The following CFAP107 variants were observed in gnomAD, a reference collection of about 807,000 sequenced individuals.
CFAP107 encodes the protein cilia and flagella associated protein 107.
chr1:12,760,517 C>T, the CFAP107 span, among the ~76,000 whole-genome samples: 1 of 152,192 alleles, frequency 6.6e-6, no homozygotes, highest in African/African-American at 2.4e-5. Flanking sequence ...CTGACTTTTC[C>T]AAGGCCCCCG....
the CFAP107 span, chr1:12,761,177 G>T: frequency 2.5e-5 from 13 of 513,812 alleles, no homozygotes; most frequent in Non-Finnish European, 4.1e-5. Context: ...CTATTGCAGG[G>T]CTATGTACGT....
the CFAP107 span, chr1:12,762,297 A>G: frequency 6.8e-4 from 101 of 148,280 alleles, 1 homozygote; most frequent in African/African-American, 1.6e-3. Flanking sequence ...TGGATGAGTG[A>G]ATGACAGGAG....
chr1:12,760,468 C>T, the CFAP107 span, among the ~76,000 whole-genome samples: 1 of 152,194 alleles, frequency 6.6e-6, no homozygotes, highest in Non-Finnish European at 1.5e-5. Flanking sequence ...GGGACAATTA[C>T]TCAGGACCAG....
At chr1:12,747,568 G>A in the CFAP107 span, among the ~76,000 whole-genome samples, 4 of 152,194 alleles carry the variant, frequency 2.6e-5, no homozygotes, top group African/African-American at 9.7e-5. Context: ...TTCTTGGGAA[G>A]TGGGCAAGGA....
At chr1:12,752,578 A>G in the CFAP107 span, among the ~76,000 whole-genome samples, 3 of 149,448 alleles carry the variant, frequency 2.0e-5, no homozygotes, top group African/African-American at 7.3e-5. Flanking sequence ...AAAAAAAAAA[A>G]AAAATTAATA....
At chr1:12,761,059 C>G in the CFAP107 span, 1 of 1,134,054 alleles carries the variant, frequency 8.8e-7, no homozygotes, top group Non-Finnish European at 1.2e-6. Context: ...CGAGATCTGG[C>G]CCGTCAAAGG....
At chr1:12,751,393 G>A in the CFAP107 span, among the ~76,000 whole-genome samples, 5 of 152,120 alleles carry the variant, frequency 3.3e-5, no homozygotes, top group African/African-American at 1.2e-4. Flanking sequence ...TTGGGAGGCC[G>A]AGGTGGGTGG....
the CFAP107 span, among the ~76,000 whole-genome samples, chr1:12,752,576 AAAAAAATTAAT>A: frequency 1.3e-5 from 2 of 149,444 alleles, no homozygotes; most frequent in Non-Finnish European, 3.0e-5. Flanking sequence ...AAAAAAAAAA[AAAAAAATTAAT>A]ATATAAAAAT....
At chr1:12,750,509 A>G in the CFAP107 span, among the ~76,000 whole-genome samples, 2 of 152,228 alleles carry the variant, frequency 1.3e-5, no homozygotes, top group Admixed American at 1.3e-4. Flanking sequence ...TGAAGTACAC[A>G]TGTAAGTTGA....
the CFAP107 span, among the ~76,000 whole-genome samples, chr1:12,747,637 G>A: frequency 1.3e-5 from 2 of 152,118 alleles, no homozygotes; most frequent in Non-Finnish European, 2.9e-5. Flanking sequence ...AAGGTTAAAG[G>A]CTGTTTTCCT....
the CFAP107 span, among the ~76,000 whole-genome samples, chr1:12,747,786 C>G: frequency 6.6e-6 from 1 of 152,120 alleles, no homozygotes; most frequent in Non-Finnish European, 1.5e-5. Flanking sequence ...TTGAAAATAC[C>G]TTCAGGTGCC....
At chr1:12,747,154 A>C in the CFAP107 span, among the ~76,000 whole-genome samples, 1 of 148,944 alleles carries the variant, frequency 6.7e-6, no homozygotes, top group Non-Finnish European at 1.5e-5. Context: ...TGCAACCTTC[A>C]CCTCCCAGGC....
chr1:12,763,488 G>A, the CFAP107 span: 3,134 of 152,252 alleles, frequency 0.021, 45 homozygotes, highest in East Asian at 0.066. Context: ...AGGTTGGGAG[G>A]GAAGAGAGGG....
At chr1:12,757,306 G>A in the CFAP107 span, among the ~76,000 whole-genome samples, 1 of 151,956 alleles carries the variant, frequency 6.6e-6, no homozygotes, top group Non-Finnish European at 1.5e-5. Context: ...CAGAACAGAC[G>A]ATGGAATATT....
chr1:12,755,580 C>T, the CFAP107 span: 2 of 727,050 alleles, frequency 2.8e-6, no homozygotes, highest in Non-Finnish European at 5.0e-6. Context: ...GCAGGGTGTC[C>T]AGGGGTTTAT....
At chr1:12,749,649 A>T in the CFAP107 span, among the ~76,000 whole-genome samples, 3 of 144,866 alleles carry the variant, frequency 2.1e-5, no homozygotes, top group African/African-American at 8.5e-5. Context: ...ACAGATTATT[A>T]GGGATTTTCT....
the CFAP107 span, chr1:12,746,378 G>T: frequency 4.8e-6 from 7 of 1,450,290 alleles, no homozygotes; most frequent in African/African-American, 4.2e-5. Flanking sequence ...TCCTCTCCCC[G>T]CCTGAAGCCT....
At chr1:12,749,887 G>A in the CFAP107 span, among the ~76,000 whole-genome samples, 1 of 152,156 alleles carries the variant, frequency 6.6e-6, no homozygotes, top group Non-Finnish European at 1.5e-5. Flanking sequence ...AAGGACATTA[G>A]ACAGTAACTT....
the CFAP107 span, among the ~76,000 whole-genome samples, chr1:12,749,797 T>A: frequency 3.0e-4 from 45 of 152,288 alleles, no homozygotes; most frequent in Admixed American, 1.2e-3. Context: ...CATTCCCAGA[T>A]AAACAAAAGC....
Sources: gnomAD v4.1 joint callset for allele counts (sites outside exome capture counted in the v4.1 genomes callset) on GRCh38, gnomAD v4.1.1 for gene constraint, MANE v1.5 for transcripts, NCBI Gene and HGNC (gene_info 2026-07-23, HGNC 2026-07-21) for gene names.